CHIC2: variants seen among roughly 807,000 people sequenced by gnomAD.
CHIC2 encodes the protein cysteine-rich hydrophobic domain-containing protein 2.
Under a neutral mutation model 25.9 loss-of-function variants are expected in CHIC2, and 14 were observed. That is an observed-to-expected ratio of 0.54 (90% confidence interval 0.36 to 0.85). The LOEUF is 0.85. CHIC2 is among the 40% of genes least tolerant of loss of function. The pLI is 0.01. For synonymous variants in CHIC2, 70 were observed against 72.0 expected, an observed-to-expected ratio of 0.97 and a Z score of 0.14; for missense variants, 146 against 202.0, an observed-to-expected ratio of 0.72 and a Z score of 1.68.
chr4:54,075,329 A>G, the CHIC2 span, among the ~76,000 whole-genome samples: 1 of 152,222 alleles, frequency 6.6e-6, no homozygotes, highest in African/African-American at 2.4e-5. Flanking sequence ...CTGAAGGTCC[A>G]GAAAACTAAA....
At position 54,010,006 on chromosome 4, in the gene CHIC2, C is replaced by A. The variant is rs1715535721; in HGVS notation, c.*89G>T. ...AAAAACACCACACGATTCTGTAGAA[C>A]CAATGTTATGTCACCACCAGGAGAG... is the stretch of plus-strand genomic sequence containing the variant. On this transcript the variant is annotated 3_prime_UTR_variant, in exon 6 of 6. Transcript: ENST00000263921. 5.0e-6 allele frequency: 4 copies of A among 794,530 alleles called. No individual in the cohort carries two copies. The highest frequency in any genetic ancestry group is 1.8e-5 in the South Asian group (1 of 56,438). The allele number at this position is 794,530 out of a possible 1,614,324, so 49.2% of individuals were successfully genotyped here.
chr4:54,081,725 T>C, the CHIC2 span, among the ~76,000 whole-genome samples: 1 of 152,028 alleles, frequency 6.6e-6, no homozygotes, highest in African/African-American at 2.4e-5. Context: ...GTTGCTGTTG[T>C]TGTTGTTGTT....
chr4:54,043,466 T>C (rs1716657723), intron 3 of CHIC2, among the ~76,000 whole-genome samples: 1 of 148,730 alleles, frequency 6.7e-6, no homozygotes, highest in African/African-American at 2.5e-5. Context: ...TGGCAGAAAC[T>C]CTACAAGCCA....
At chr4:54,050,274 G>T (rs904891130) in intron 1 of CHIC2, among the ~76,000 whole-genome samples, 1 of 152,068 alleles carries the variant, frequency 6.6e-6, no homozygotes, top group Non-Finnish European at 1.5e-5. Flanking sequence ...TTGAAGGGGG[G>T]ACTCCAACTT....
chr4:54,070,394 TTATTTATTTATTTATGTATTTATG>T, the CHIC2 span, among the ~76,000 whole-genome samples: 4 of 137,596 alleles, frequency 2.9e-5, no homozygotes, highest in Non-Finnish European at 6.8e-5. Flanking sequence ...ATTTATTTAT[TTATTTATTTATTTATGTATTTATG>T]TATTTATTTA....
At position 54,010,117 on chromosome 4, in the gene CHIC2, G is replaced by A. The variant is rs1199743016; in HGVS notation, c.476C>T (p.Thr159Ile). 1.9e-6 allele frequency: 3 copies of A among 1,607,310 alleles called. No homozygotes were observed. Residue 159 changes from threonine to isoleucine, a missense_variant, in exon 6 of 6, where the codon ACA (threonine) becomes ATA (isoleucine). Transcript: ENST00000263921. ...ATGCTAATCTGGTCGAAAAATCGGT[G>A]TCTTTGGTAAAAATTCTATGAGGAT... ...YVILIEFLPK[T>I]PIFRPD
At chr4:54,018,760 A>C (rs1715814050) in intron 3 of CHIC2, among the ~76,000 whole-genome samples, 2 of 152,086 alleles carry the variant, frequency 1.3e-5, no homozygotes, top group African/African-American at 4.8e-5. Flanking sequence ...TGTACAGAAT[A>C]CTCACTAATA....
the CHIC2 span, among the ~76,000 whole-genome samples, chr4:54,080,312 T>C: frequency 6.6e-6 from 1 of 151,734 alleles, no homozygotes; most frequent in Non-Finnish European, 1.5e-5. Flanking sequence ...TGCTATATAA[T>C]CTCACTTATA....
At chr4:54,068,332 G>A (rs1180587945), upstream of CHIC2, among the ~76,000 whole-genome samples, 1 of 152,050 alleles carries the variant, frequency 6.6e-6, no homozygotes, top group Non-Finnish European at 1.5e-5. Flanking sequence ...CTCATGAATG[G>A]GATTAGTGCC....
At position 54,009,860 on chromosome 4, in the gene CHIC2, C is replaced by G. The variant is rs1715523671; in HGVS notation, c.*235G>C. On this transcript the variant is annotated 3_prime_UTR_variant, in exon 6 of 6. Transcript: ENST00000263921. Reference sequence around the variant, plus strand: ...AATCCTTGAAAATCAGAATACATAACAGAAAAGAGCACAATAACTTAAGTA... The same window carrying G: ...AATCCTTGAAAATCAGAATACATAAGAGAAAAGAGCACAATAACTTAAGTA... The G allele has an allele frequency of 2.8e-6, 1 of 354,272 alleles. No individual in the cohort carries two copies. Among genetic ancestry groups the G allele is most frequent in the Non-Finnish European group, 5.2e-6 (1 of 192,740 alleles). 21.9% of individuals were successfully genotyped at this position (354,272 alleles called of 1,614,324 possible).
chr4:54,081,748 G>A, the CHIC2 span, among the ~76,000 whole-genome samples: 2 of 152,080 alleles, frequency 1.3e-5, no homozygotes, highest in Non-Finnish European at 2.9e-5. Flanking sequence ...TGTTTTTAGA[G>A]ATGAGGTCTC....
At chr4:54,077,156 G>C in the CHIC2 span, among the ~76,000 whole-genome samples, 112 of 152,262 alleles carry the variant, frequency 7.4e-4, no homozygotes, top group Admixed American at 5.5e-3. Flanking sequence ...TTTTAATCAG[G>C]ATGGACAAAA....
the CHIC2 span, among the ~76,000 whole-genome samples, chr4:54,084,571 T>C: frequency 6.6e-6 from 1 of 152,092 alleles, no homozygotes; most frequent in African/African-American, 2.4e-5. Flanking sequence ...CCAATGCACC[T>C]TCTACATTCA....
the CHIC2 span, among the ~76,000 whole-genome samples, chr4:54,077,787 C>T: frequency 1.3e-5 from 2 of 152,220 alleles, no homozygotes; most frequent in African/African-American, 4.8e-5. Context: ...AGCAGCCCTC[C>T]TGCCACCCGG....
chr4:54,031,982 T>C (rs921052449), intron 3 of CHIC2, among the ~76,000 whole-genome samples: 6 of 152,106 alleles, frequency 3.9e-5, no homozygotes, highest in African/African-American at 1.4e-4. Context: ...GTTTGATAAG[T>C]GTCACAGTCC....
chr4:54,037,482 G>C (rs1341963428), intron 3 of CHIC2, among the ~76,000 whole-genome samples: 1 of 152,092 alleles, frequency 6.6e-6, no homozygotes, highest in Non-Finnish European at 1.5e-5. Context: ...ACTTGCACAG[G>C]GAAGTTTCTG....
the CHIC2 span, among the ~76,000 whole-genome samples, chr4:54,080,627 G>C: frequency 6.6e-6 from 1 of 151,302 alleles, no homozygotes; most frequent in Non-Finnish European, 1.5e-5. Flanking sequence ...TTAGCTGGGC[G>C]TGGTGGCACA....
chr4:54,033,010 A>G (rs1298129334), intron 3 of CHIC2, among the ~76,000 whole-genome samples: 1 of 152,162 alleles, frequency 6.6e-6, no homozygotes, highest in Non-Finnish European at 1.5e-5. Context: ...CACCTCTCCC[A>G]ACCCCCTTGC....
At chr4:54,056,951 T>C (rs1717195913) in intron 1 of CHIC2, among the ~76,000 whole-genome samples, 1 of 152,224 alleles carries the variant, frequency 6.6e-6, no homozygotes, top group South Asian at 2.1e-4. Context: ...ACTTCTGGCA[T>C]GTGCTATTCT....
Sources: gnomAD v4.1 joint callset for allele counts (sites outside exome capture counted in the v4.1 genomes callset) on GRCh38, gnomAD v4.1.1 for gene constraint, MANE v1.5 for transcripts, NCBI Gene and HGNC (gene_info 2026-07-23, HGNC 2026-07-21) for gene names.